IL1RAPL1: variants seen among roughly 807,000 people sequenced by gnomAD.
The protein encoded by IL1RAPL1 is interleukin 1 receptor accessory protein like 1, also known as interleukin-1 receptor accessory protein-like 1.
IL1RAPL1 carries 3 observed loss-of-function variants against 48.4 expected under a neutral mutation model. The observed-to-expected ratio is 0.06, with a 90% CI of 0.03 to 0.16. IL1RAPL1 has a LOEUF of 0.16. Among genes scored for constraint, IL1RAPL1 ranks in the 10% least tolerant of loss-of-function variants. The pLI, the probability that IL1RAPL1 is intolerant of heterozygous loss-of-function variation, is 1.00. For missense variants in IL1RAPL1, 349 were observed against 530.6 expected (o/e 0.66, Z 3.36); for synonymous variants, 185 against 187.7 (o/e 0.99, Z 0.12).
chrX:29,488,620 C>T (rs1218528287), intron 5 of IL1RAPL1, among the ~76,000 whole-genome samples: 1 of 109,523 alleles, frequency 9.1e-6, no homozygotes, highest in Non-Finnish European at 1.9e-5. Context: ...AGAGGTGGTG[C>T]ATATATAACT....
intron 1 of IL1RAPL1, among the ~76,000 whole-genome samples, chrX:28,737,484 C>T (rs748841366): frequency 9.1e-6 from 1 of 109,376 alleles, no homozygotes; most frequent in African/African-American, 3.3e-5. Context: ...TCTTGAACTC[C>T]TAAGTTCAAG....
chrX:29,028,715 C>T (rs1926548950), intron 2 of IL1RAPL1, among the ~76,000 whole-genome samples: 1 of 110,725 alleles, frequency 9.0e-6, no homozygotes, highest in African/African-American at 3.3e-5. Context: ...AGTTTTATAC[C>T]TGGGGTCTAT....
chrX:28,953,490 A>G (rs1335412014), intron 2 of IL1RAPL1, among the ~76,000 whole-genome samples: 1 of 111,560 alleles, frequency 9.0e-6, no homozygotes, highest in African/African-American at 3.2e-5. Flanking sequence ...TTTTTACTGC[A>G]TGCTTAACTA....
chrX:28,887,801 T>G (rs1381876519), intron 2 of IL1RAPL1, among the ~76,000 whole-genome samples: 4 of 111,213 alleles, frequency 3.6e-5, no homozygotes, highest in African/African-American at 1.3e-4. Flanking sequence ...TTTCACTGTT[T>G]GGTCTACATT....
chrX:28,669,234 T>A (rs1007125512), intron 1 of IL1RAPL1, among the ~76,000 whole-genome samples: 7 of 111,483 alleles, frequency 6.3e-5, no homozygotes, highest in African/African-American at 2.3e-4. Context: ...CAGAAATTTA[T>A]CAGAAAAAGT....
At chrX:29,278,274 A>G (rs900086589) in intron 2 of IL1RAPL1, among the ~76,000 whole-genome samples, 7 of 112,217 alleles carry the variant, frequency 6.2e-5, no homozygotes. Context: ...GATAATAGCC[A>G]ATATATGTAG....
At chrX:29,749,111 A>T (rs762202502) in intron 6 of IL1RAPL1, among the ~76,000 whole-genome samples, 1 of 112,045 alleles carries the variant, frequency 8.9e-6, no homozygotes, top group Admixed American at 9.5e-5. Flanking sequence ...AGGAAGCAGC[A>T]TGGGAATGAA....
chrX:29,491,865 C>T (rs1033969765), intron 5 of IL1RAPL1, among the ~76,000 whole-genome samples: 1 of 110,973 alleles, frequency 9.0e-6, no homozygotes, highest in African/African-American at 3.3e-5. Context: ...GTGGTCATAA[C>T]CATGATCTTA....
chrX:29,733,982 A>G (rs1927983384), intron 6 of IL1RAPL1, among the ~76,000 whole-genome samples: 1 of 112,950 alleles, frequency 8.9e-6, no homozygotes, highest in Non-Finnish European at 1.9e-5. Flanking sequence ...CCCAGTGAGC[A>G]CAGGTATGCT....
At chrX:29,355,333 G>A in intron 3 of IL1RAPL1, among the ~76,000 whole-genome samples, 1 of 111,632 alleles carries the variant, frequency 9.0e-6, no homozygotes, top group East Asian at 2.8e-4. Flanking sequence ...TAACCCAAAG[G>A]ATGGGCACAG....
intron 2 of IL1RAPL1, among the ~76,000 whole-genome samples, chrX:29,051,736 A>G (rs946269265): frequency 3.6e-5 from 4 of 112,153 alleles, no homozygotes; most frequent in African/African-American, 1.3e-4. Flanking sequence ...AATACTTGGA[A>G]GTCAGACTTC....
At chrX:29,065,974 G>A (rs1569229723) in intron 2 of IL1RAPL1, among the ~76,000 whole-genome samples, 1 of 111,367 alleles carries the variant, frequency 9.0e-6, no homozygotes, top group Non-Finnish European at 1.9e-5. Context: ...TTTTGAACAT[G>A]CTTATATGGC....
intron 5 of IL1RAPL1, among the ~76,000 whole-genome samples, chrX:29,538,081 T>G (rs1921295790): frequency 9.0e-6 from 1 of 110,612 alleles, no homozygotes. Context: ...TGTATGGATT[T>G]TAGAGATAGC....
chrX:28,841,609 A>T (rs6630775), intron 2 of IL1RAPL1, among the ~76,000 whole-genome samples: 26,861 of 110,358 alleles, frequency 0.24, 3,002 homozygotes, highest in Non-Finnish European at 0.34. Context: ...TCATCATATA[A>T]GCCATGATTT....
intron 5 of IL1RAPL1, among the ~76,000 whole-genome samples, chrX:29,571,551 C>T (rs751608248): frequency 2.7e-4 from 30 of 111,537 alleles, no homozygotes; most frequent in Middle Eastern, 4.7e-3. Context: ...TAGATGTCTT[C>T]CTAATATAGT....
At chrX:29,667,622 A>G (rs1339879915) in intron 5 of IL1RAPL1, among the ~76,000 whole-genome samples, 1 of 112,017 alleles carries the variant, frequency 8.9e-6, no homozygotes, top group African/African-American at 3.2e-5. Flanking sequence ...TAAAGTCCAG[A>G]TATAGTCTAG....
At chrX:29,954,303 C>T (rs1933375111) in intron 9 of IL1RAPL1, among the ~76,000 whole-genome samples, 1 of 104,880 alleles carries the variant, frequency 9.5e-6, no homozygotes, top group Admixed American at 1.0e-4. Context: ...TGATTTTTCT[C>T]CTACTTTTTT....
At position 29,581,949 on chromosome X, in the gene IL1RAPL1, A is replaced by G. The variant is rs138649159; in HGVS notation, c.704-86481A>G. Among the ~76,000 whole-genome samples the G allele has an allele frequency of 2.7e-4, 30 of 111,707 alleles. 1 individual carries two copies. The East Asian group carries it at 8.2e-3, about 30-fold the overall frequency. On this transcript the variant is annotated intron_variant, in intron 5 of 10. Transcript: ENST00000378993. ...TTTAAGAGTTTCAAGCCCAGGCTGT[A>G]TAATTTTAGGGTTGGTCTTGCAAAA...
intron 3 of IL1RAPL1, among the ~76,000 whole-genome samples, chrX:29,299,675 G>A (rs1351285277): frequency 8.9e-6 from 1 of 112,188 alleles, no homozygotes; most frequent in Non-Finnish European, 1.9e-5. Context: ...ACCACTTACT[G>A]TTGAATCAGA....
Sources: gnomAD v4.1 joint callset for allele counts (sites outside exome capture counted in the v4.1 genomes callset) on GRCh38, gnomAD v4.1.1 for gene constraint, MANE v1.5 for transcripts, NCBI Gene and HGNC (gene_info 2026-07-23, HGNC 2026-07-21) for gene names.